Variants in CNGB3 observed in about 807,000 individuals in gnomAD.
The protein encoded by CNGB3 is cyclic nucleotide gated channel subunit beta 3.
Under a neutral mutation model 92.8 loss-of-function variants are expected in CNGB3, and 86 were observed. The ratio of observed to expected loss-of-function variants is 0.93; its 90% CI spans 0.78 to 1.11. The LOEUF is 1.11. Among genes scored for constraint, CNGB3 ranks in the 50% least tolerant of loss-of-function variants. CNGB3 has a pLI of 0.00. For missense variants in CNGB3, 1,026 were observed against 956.8 expected (o/e 1.07, Z -0.95); for synonymous variants, 333 against 332.7 (o/e 1.00, Z -0.01).
At chr8:86,715,521 C>T (rs1235355682) in intron 3 of CNGB3, among the ~76,000 whole-genome samples, 2 of 151,902 alleles carry the variant, frequency 1.3e-5, no homozygotes, top group Non-Finnish European at 2.9e-5. Flanking sequence ...TGGGAGCACC[C>T]CATGGTACAA....
intron 15 of CNGB3, among the ~76,000 whole-genome samples, chr8:86,586,439 A>G (rs1181354898): frequency 1.1e-4 from 16 of 150,196 alleles, no homozygotes; most frequent in Non-Finnish European, 1.3e-4. Context: ...GCACCCACTA[A>G]CTCGACATCT....
chr8:86,737,824 G>T (rs13270456), intron 2 of CNGB3, among the ~76,000 whole-genome samples: 1 of 152,042 alleles, frequency 6.6e-6, no homozygotes, highest in East Asian at 1.9e-4. Flanking sequence ...GAGAACATGC[G>T]GTATTTGGTT....
intron 3 of CNGB3, among the ~76,000 whole-genome samples, chr8:86,708,265 G>A (rs1323860462): frequency 6.6e-6 from 1 of 152,106 alleles, no homozygotes; most frequent in Non-Finnish European, 1.5e-5. Context: ...GAGGTGAGGA[G>A]GAGTCATTAA....
At chr8:86,602,066 G>A (rs1267100191) in intron 15 of CNGB3, among the ~76,000 whole-genome samples, 1 of 152,158 alleles carries the variant, frequency 6.6e-6, no homozygotes, top group Non-Finnish European at 1.5e-5. Flanking sequence ...CTCAACCCTT[G>A]GGAAAGGTCA....
intron 3 of CNGB3, among the ~76,000 whole-genome samples, chr8:86,697,982 T>A (rs867998815): frequency 6.6e-6 from 1 of 152,200 alleles, no homozygotes; most frequent in Non-Finnish European, 1.5e-5. Context: ...CATCCTTTTT[T>A]ATGGCTGTAT....
intron 9 of CNGB3, 93 bp downstream of exon 9, chr8:86,644,529 T>A: frequency 6.6e-7 from 1 of 1,508,254 alleles, no homozygotes; most frequent in East Asian, 2.4e-5. Context: ...ATCCTTTTTT[T>A]GAAGAGGGGG....
chr8:86,593,358 G>C (rs1334841813), intron 15 of CNGB3, among the ~76,000 whole-genome samples: 1 of 152,116 alleles, frequency 6.6e-6, no homozygotes, highest in Non-Finnish European at 1.5e-5. Context: ...TGGTACTTTG[G>C]CTGGAAAATA....
chr8:86,727,581 G>A (rs987087094), intron 2 of CNGB3, among the ~76,000 whole-genome samples: 3 of 151,996 alleles, frequency 2.0e-5, no homozygotes, highest in Admixed American at 1.3e-4. Context: ...AGTTTAAATT[G>A]TAATTTACCC....
intron 14 of CNGB3, among the ~76,000 whole-genome samples, chr8:86,608,531 G>T (rs1822454937): frequency 6.6e-6 from 1 of 152,218 alleles, no homozygotes; most frequent in African/African-American, 2.4e-5. Flanking sequence ...CCTGACATCA[G>T]TCAGGCTCAC....
chr8:86,741,681 A>C (rs978534818), intron 1 of CNGB3, among the ~76,000 whole-genome samples: 1 of 152,204 alleles, frequency 6.6e-6, no homozygotes, highest in South Asian at 2.1e-4. Flanking sequence ...AAACAAAAAA[A>C]AAAAATCTAA....
At chr8:86,636,773 C>T (rs1053441801) in intron 10 of CNGB3, among the ~76,000 whole-genome samples, 2 of 151,918 alleles carry the variant, frequency 1.3e-5, no homozygotes, top group East Asian at 3.9e-4. Flanking sequence ...CCTGGTAACC[C>T]CCATCCTACT....
intron 8 of CNGB3, among the ~76,000 whole-genome samples, chr8:86,647,066 C>T (rs1823303046): frequency 6.6e-6 from 1 of 150,912 alleles, no homozygotes; most frequent in Non-Finnish European, 1.5e-5. Context: ...AATATTTTTC[C>T]TTTTCTGTTA....
intron 3 of CNGB3, among the ~76,000 whole-genome samples, chr8:86,716,470 A>G (rs776974212): frequency 1.3e-4 from 20 of 152,214 alleles, no homozygotes; most frequent in African/African-American, 2.4e-5. Context: ...CTCTGAGGCA[A>G]AAACATCAAG....
chr8:86,606,331 T>C (rs2131561076), intron 14 of CNGB3, among the ~76,000 whole-genome samples: 1 of 152,008 alleles, frequency 6.6e-6, no homozygotes, highest in South Asian at 2.1e-4. Flanking sequence ...TTGTATTTAT[T>C]GTAGAGACAG....
At chr8:86,690,933 C>G (rs1040176434) in intron 3 of CNGB3, among the ~76,000 whole-genome samples, 5 of 152,250 alleles carry the variant, frequency 3.3e-5, no homozygotes, top group African/African-American at 1.2e-4. Context: ...TGTTTTGGTA[C>G]CAGTACCATG....
intron 6 of CNGB3, chr8:86,659,172 G>T (rs1020138541): frequency 2.8e-6 from 2 of 710,164 alleles, no homozygotes; most frequent in Non-Finnish European, 5.1e-6. Flanking sequence ...CTCCCTCAAT[G>T]TGTGCACCTG....
In CNGB3 at chr8:86,598,001, A is replaced by T. The variant is rs796358264; in HGVS notation, c.1781+6092T>A. Reference sequence around the variant, plus strand: ...TCAAATAAATAAAATAAAATAAAATAAAATAAAATTAAAATAAAATAAAAT... The same window carrying T: ...TCAAATAAATAAAATAAAATAAAATTAAATAAAATTAAAATAAAATAAAAT... On this transcript the variant is annotated intron_variant, in intron 15 of 17. Coordinates refer to ENST00000320005, the MANE Select transcript of CNGB3 (RefSeq NM_019098.5). 3.6e-3 allele frequency among the ~76,000 whole-genome samples: 375 copies of T among 105,050 alleles called. 2 individuals are homozygous for T. The highest frequency in any genetic ancestry group is 0.02 in the African/African-American group (346 of 17,582). The allele number at this position is 105,050 out of a possible 152,430, so 68.9% of individuals were successfully genotyped here.
intron 13 of CNGB3, among the ~76,000 whole-genome samples, chr8:86,616,875 AGAGT>A (rs1822632322): frequency 6.6e-6 from 1 of 152,178 alleles, no homozygotes; most frequent in Non-Finnish European, 1.5e-5. Context: ...GAGTATCACC[AGAGT>A]GTGTGTTTTT....
At chr8:86,580,529 A>C (rs1821743601) in intron 15 of CNGB3, among the ~76,000 whole-genome samples, 1 of 152,154 alleles carries the variant, frequency 6.6e-6, no homozygotes, top group East Asian at 1.9e-4. Context: ...CTTGTTCCTC[A>C]GTGTCATAAG....
Sources: allele counts gnomAD v4.1 joint callset (sites outside exome capture counted in the v4.1 genomes callset), GRCh38; gene constraint gnomAD v4.1.1; transcripts MANE v1.5; gene names NCBI Gene and HGNC (gene_info 2026-07-23, HGNC 2026-07-21).